Variants in PPP2R3A observed in about 807,000 individuals in gnomAD.
The protein encoded by PPP2R3A is serine/threonine-protein phosphatase 2A regulatory subunit B'' subunit alpha.
PPP2R3A carries 80 observed loss-of-function variants against 106.9 expected under a neutral mutation model. The ratio of observed to expected loss-of-function variants is 0.75; its 90% CI spans 0.62 to 0.90. The LOEUF is 0.90. PPP2R3A is among the 40% of genes least tolerant of loss of function. The pLI is 0.00. For synonymous variants in PPP2R3A, 483 were observed against 468.3 expected (o/e 1.03, Z -0.41); for missense variants, 1,386 against 1,350.4 (o/e 1.03, Z -0.41).
intron 1 of PPP2R3A, among the ~76,000 whole-genome samples, chr3:135,969,185 A>T (rs1937171734): frequency 6.6e-6 from 1 of 152,206 alleles, no homozygotes; most frequent in Non-Finnish European, 1.5e-5. Context: ...GTCATATTAG[A>T]ATGCTTTGGA....
intron 2 of PPP2R3A, among the ~76,000 whole-genome samples, chr3:136,024,312 T>G (rs1305568206): frequency 6.6e-6 from 1 of 152,126 alleles, no homozygotes. Flanking sequence ...TACTTTAAGG[T>G]TTAAATTATA....
chr3:136,026,170 G>T (rs1040560155), intron 2 of PPP2R3A, among the ~76,000 whole-genome samples: 2 of 152,070 alleles, frequency 1.3e-5, no homozygotes, highest in African/African-American at 4.8e-5. Context: ...TAATGACCAT[G>T]GTTTTTGCCT....
At chr3:135,982,714 C>T (rs911845932) in intron 1 of PPP2R3A, among the ~76,000 whole-genome samples, 8 of 152,128 alleles carry the variant, frequency 5.3e-5, no homozygotes, top group Admixed American at 2.0e-4. Flanking sequence ...GAAGTTGAAC[C>T]TTGCTCTCAG....
intron 7 of PPP2R3A, chr3:136,079,011 T>C: frequency 3.5e-6 from 1 of 282,902 alleles, no homozygotes; most frequent in Non-Finnish European, 7.2e-6. Context: ...TTGTTTAAGC[T>C]TCTGTAAACA....
intron 13 of PPP2R3A, among the ~76,000 whole-genome samples, chr3:136,142,286 A>T (rs1311132293): frequency 6.6e-6 from 1 of 152,068 alleles, no homozygotes; most frequent in Non-Finnish European, 1.5e-5. Flanking sequence ...CCTGCACTCT[A>T]CCCACTAGAT....
intron 1 of PPP2R3A, among the ~76,000 whole-genome samples, chr3:135,967,413 A>C (rs1937119520): frequency 6.6e-6 from 1 of 152,224 alleles, no homozygotes; most frequent in Non-Finnish European, 1.5e-5. Flanking sequence ...AATGTAGCTT[A>C]ACATTCTGGA....
chr3:136,039,581 G>GAACTTGCATGCATA (rs1228753340), intron 3 of PPP2R3A, among the ~76,000 whole-genome samples: 10 of 151,960 alleles, frequency 6.6e-5, no homozygotes, highest in Admixed American at 5.9e-4. Flanking sequence ...TTCACGATAG[G>GAACTTGCATGCATA]GTTCACTCTC....
chr3:136,024,972 T>A (rs965118435), intron 2 of PPP2R3A, among the ~76,000 whole-genome samples: 1 of 152,150 alleles, frequency 6.6e-6, no homozygotes, highest in Non-Finnish European at 1.5e-5. Context: ...GATTGTCAAT[T>A]TGTTAACTCA....
At chr3:135,988,586 A>G (rs967218424) in intron 1 of PPP2R3A, among the ~76,000 whole-genome samples, 5 of 152,132 alleles carry the variant, frequency 3.3e-5, no homozygotes, top group Non-Finnish European at 7.4e-5. Context: ...AGGTAAGAGC[A>G]AAGTCTAGTC....
intron 12 of PPP2R3A, among the ~76,000 whole-genome samples, chr3:136,105,300 G>A (rs957891637): frequency 5.9e-5 from 9 of 152,112 alleles, no homozygotes; most frequent in Non-Finnish European, 8.8e-5. Context: ...CAGAGGAGAG[G>A]GGACCAGAGA....
chr3:135,984,493 G>A (rs983878880), intron 1 of PPP2R3A, among the ~76,000 whole-genome samples: 30 of 152,114 alleles, frequency 2.0e-4, no homozygotes, highest in Admixed American at 6.6e-4. Context: ...ATCTCACTTC[G>A]AATTGTAATC....
chr3:136,076,347 A>G (rs1936593636), intron 6 of PPP2R3A, among the ~76,000 whole-genome samples: 1 of 152,216 alleles, frequency 6.6e-6, no homozygotes. Flanking sequence ...AAGATTAAAC[A>G]TTACTACATT....
intron 5 of PPP2R3A, among the ~76,000 whole-genome samples, chr3:136,055,032 G>A (rs1052938195): frequency 2.6e-5 from 4 of 152,148 alleles, no homozygotes; most frequent in Admixed American, 1.3e-4. Context: ...ACTGCTCAGT[G>A]CATGTAATAA....
At chr3:135,999,585 C>T (rs1933540000) in intron 1 of PPP2R3A, among the ~76,000 whole-genome samples, 1 of 151,864 alleles carries the variant, frequency 6.6e-6, no homozygotes, top group Admixed American at 6.6e-5. Context: ...TGATTTTAGA[C>T]TGTAAATTTC....
chr3:136,054,725 A>C (rs996651242), intron 5 of PPP2R3A, among the ~76,000 whole-genome samples: 5 of 152,226 alleles, frequency 3.3e-5, no homozygotes, highest in African/African-American at 1.2e-4. Context: ...TGTTGTCTAC[A>C]TTTATTTTCT....
chr3:136,051,073 A>G (rs1017475437), intron 5 of PPP2R3A, among the ~76,000 whole-genome samples: 2 of 152,174 alleles, frequency 1.3e-5, no homozygotes, highest in African/African-American at 4.8e-5. Context: ...ACCTGTTTCT[A>G]CTATAGCATT....
At chr3:136,140,478 G>A (rs1318926777) in intron 13 of PPP2R3A, among the ~76,000 whole-genome samples, 5 of 149,588 alleles carry the variant, frequency 3.3e-5, no homozygotes, top group Non-Finnish European at 5.9e-5. Context: ...GGGCTCAGTG[G>A]CTCACGCCTG....
At chr3:136,087,323 G>A (rs1385493228) in intron 8 of PPP2R3A, among the ~76,000 whole-genome samples, 5 of 121,182 alleles carry the variant, frequency 4.1e-5, no homozygotes, top group South Asian at 2.9e-4. Context: ...CTTAAGCCAC[G>A]ATTATCTATG....
In PPP2R3A at chr3:136,077,107, A is replaced by C. The variant is rs185476395; in HGVS notation, c.2545-1260A>C. On this transcript the variant is annotated intron_variant, in intron 6 of 13. Coordinates refer to ENST00000264977, the MANE Select transcript of PPP2R3A (RefSeq NM_002718.5). ...GAGGCTCAGGTGGCAGTGGGAGCAC[A>C]GAAGGCAGAGCTCTAGTCAGTCCCT... Among the ~76,000 whole-genome samples, 96 of 152,322 alleles carry C rather than the reference A, an allele frequency of 6.3e-4. 1 individual carries two copies. Among genetic ancestry groups the C allele is most frequent in the African/African-American group, 2.1e-3 (89 of 41,582 alleles).
Sources: allele counts gnomAD v4.1 joint callset (sites outside exome capture counted in the v4.1 genomes callset), GRCh38; gene constraint gnomAD v4.1.1; transcripts MANE v1.5; gene names NCBI Gene and HGNC (gene_info 2026-07-23, HGNC 2026-07-21).